Variants in SPMIP7 observed in about 807,000 individuals in gnomAD.
The protein encoded by SPMIP7 is sperm microtubule inner protein 7.
the SPMIP7 span, chr7:50,129,935 G>C: frequency 8.6e-5 from 51 of 591,502 alleles, no homozygotes; most frequent in Non-Finnish European, 9.2e-5. Context: ...GATATTGATT[G>C]CTAAAATAAA....
chr7:50,096,013 A>T, the SPMIP7 span: 1 of 956,366 alleles, frequency 1.0e-6, no homozygotes, highest in Non-Finnish European at 1.5e-6. Context: ...TTGGCAATAG[A>T]GTTTATATAG....
the SPMIP7 span, chr7:50,141,285 C>T: frequency 1.3e-6 from 2 of 1,544,548 alleles, no homozygotes; most frequent in Non-Finnish European, 1.8e-6. Context: ...TAACAGTGGT[C>T]ATGTGCAGTC....
chr7:50,127,330 C>T, the SPMIP7 span, among the ~76,000 whole-genome samples: 1 of 151,726 alleles, frequency 6.6e-6, no homozygotes, highest in Non-Finnish European at 1.5e-5. Context: ...AGGAAATGAT[C>T]TAGGACATTG....
chr7:50,129,783 T>C, the SPMIP7 span: 3 of 1,546,808 alleles, frequency 1.9e-6, no homozygotes, highest in Non-Finnish European at 2.6e-6. Flanking sequence ...TTACAAGTCC[T>C]CTACACAAAA....
chr7:50,152,085 T>C, the SPMIP7 span, among the ~76,000 whole-genome samples: 69,839 of 152,092 alleles, frequency 0.46, 16,473 homozygotes, highest in East Asian at 0.72. Context: ...TGGTGGCTCA[T>C]GCCTGTAATC....
the SPMIP7 span, among the ~76,000 whole-genome samples, chr7:50,107,381 A>AAAAAG: frequency 2.4e-5 from 2 of 81,792 alleles, no homozygotes; most frequent in Non-Finnish European, 4.4e-5. Flanking sequence ...AAAAAAAAAA[A>AAAAAG]AAAAGAAAAG....
chr7:50,096,580 G>A, the SPMIP7 span: 1 of 1,551,780 alleles, frequency 6.4e-7, no homozygotes, highest in Non-Finnish European at 8.7e-7. Context: ...AACTGCAACA[G>A]AACAGGAGAT....
the SPMIP7 span, among the ~76,000 whole-genome samples, chr7:50,114,502 GCAA>G: frequency 6.6e-6 from 1 of 151,696 alleles, no homozygotes; most frequent in Admixed American, 6.6e-5. Context: ...TAGAGAGACA[GCAA>G]CAACAGAAAA....
At chr7:50,152,664 TTTTATTTATTTATTTA>T in the SPMIP7 span, among the ~76,000 whole-genome samples, 784 of 141,430 alleles carry the variant, frequency 5.5e-3, 30 homozygotes, top group South Asian at 0.094. Flanking sequence ...TTATCACACA[TTTTATTTATTTATTTA>T]TTTATTTATT....
chr7:50,104,547 T>G, the SPMIP7 span: 1 of 268,928 alleles, frequency 3.7e-6, no homozygotes, highest in East Asian at 7.5e-5. Context: ...TATATAGTTC[T>G]TCTTATGTTC....
the SPMIP7 span, chr7:50,151,599 G>A: frequency 6.0e-6 from 8 of 1,338,128 alleles, no homozygotes; most frequent in Non-Finnish European, 7.3e-6. Context: ...AGATACATTA[G>A]GAGGGGAAAT....
the SPMIP7 span, chr7:50,120,191 C>T: frequency 3.3e-5 from 5 of 152,100 alleles, no homozygotes; most frequent in Admixed American, 3.3e-4. Flanking sequence ...TGATCAATAA[C>T]CAAAATTCAT....
At chr7:50,116,891 A>C in the SPMIP7 span, among the ~76,000 whole-genome samples, 11 of 152,228 alleles carry the variant, frequency 7.2e-5, no homozygotes, top group African/African-American at 2.4e-4. Flanking sequence ...TTTTCAAGAA[A>C]AAAATGTTCA....
chr7:50,158,099 C>A, the SPMIP7 span, among the ~76,000 whole-genome samples: 9 of 152,040 alleles, frequency 5.9e-5, no homozygotes, highest in Admixed American at 6.5e-5. Flanking sequence ...TAGGCCCAGG[C>A]CCCTCCCGCC....
chr7:50,150,268 G>T, the SPMIP7 span, among the ~76,000 whole-genome samples: 1 of 152,096 alleles, frequency 6.6e-6, no homozygotes, highest in Non-Finnish European at 1.5e-5. Context: ...TTTTGTCTGG[G>T]CACCAATTTT....
At chr7:50,107,522 A>T in the SPMIP7 span, among the ~76,000 whole-genome samples, 1 of 152,040 alleles carries the variant, frequency 6.6e-6, no homozygotes. Flanking sequence ...TAATTGGAGA[A>T]TTGGAGAACT....
chr7:50,097,579 G>T, the SPMIP7 span, among the ~76,000 whole-genome samples: 1 of 151,536 alleles, frequency 6.6e-6, no homozygotes, highest in Admixed American at 6.6e-5. Context: ...GTTGCTGTAC[G>T]ACCCAGGGCT....
At chr7:50,138,622 G>A in the SPMIP7 span, among the ~76,000 whole-genome samples, 8 of 152,130 alleles carry the variant, frequency 5.3e-5, no homozygotes, top group African/African-American at 9.7e-5. Context: ...GCAAAATGTA[G>A]GAGATATTAG....
At chr7:50,142,184 A>G in the SPMIP7 span, 4 of 152,226 alleles carry the variant, frequency 2.6e-5, no homozygotes, top group African/African-American at 9.6e-5. Flanking sequence ...GGATATAGGA[A>G]GAAAGCTAAT....
Sources: allele counts gnomAD v4.1 joint callset (sites outside exome capture counted in the v4.1 genomes callset), GRCh38; gene constraint gnomAD v4.1.1; transcripts MANE v1.5; gene names NCBI Gene and HGNC (gene_info 2026-07-23, HGNC 2026-07-21).